REST: variants seen among roughly 807,000 people sequenced by gnomAD.
REST encodes the protein RE1-silencing transcription factor.
Under a neutral mutation model 30.4 loss-of-function variants are expected in REST, and 1 was observed. The observed-to-expected ratio is 0.03, with a 90% CI of 0.01 to 0.16. The LOEUF (loss-of-function observed/expected upper bound fraction) is 0.16, where lower values mean the gene tolerates loss of function less well. REST is among the 10% of genes least tolerant of loss of function. REST has a pLI of 1.00. For synonymous variants in REST, 504 were observed against 451.1 expected, an observed-to-expected ratio of 1.12 and a Z score of -1.49; for missense variants, 1,259 against 1,329.5, an observed-to-expected ratio of 0.95 and a Z score of 0.82.
intron 2 of REST, among the ~76,000 whole-genome samples, chr4:56,916,145 C>T (rs1461902022): frequency 6.6e-6 from 1 of 151,570 alleles, no homozygotes; most frequent in African/African-American, 2.4e-5. Flanking sequence ...AATCTCGACT[C>T]ACTGCAACCT....
Position 56,930,529 on chromosome 4 carries a change from A to G in REST, c.1671A>G (p.Glu557=), listed in dbSNP as rs1224004602. ...VESKSKNNSQ[E]VPKGDSKVEE... ...GCAAATCCAAAAATAATAGTCAGGA[A>G]GTGCCAAAGGGTGACAGCAAAGTGG... The change falls in exon 4 of 4, where the codon GAA becomes GAG. Residue 557 remains glutamate, a synonymous_variant. Transcript: ENST00000309042. 3 of 1,611,012 alleles carry G rather than the reference A, an allele frequency of 1.9e-6. No homozygotes were observed.
intron 2 of REST, among the ~76,000 whole-genome samples, chr4:56,914,375 A>G (rs1033737369): frequency 1.3e-5 from 2 of 152,204 alleles, no homozygotes; most frequent in Non-Finnish European, 2.9e-5. Context: ...GCCCCAGCAG[A>G]TGGATGGCTC....
rs374809419 is a variant in REST, at chr4:56,930,514, A to C, written c.1656A>C (p.Lys552Asn). 4.3e-6 allele frequency: 7 copies of C among 1,610,872 alleles called. No individual in the cohort carries two copies. In the African/African-American group the frequency reaches 9.4e-5, roughly 22 times the overall value. Residue 552 changes from lysine (K) to asparagine (N), a missense_variant, in exon 4 of 4, where the codon AAA becomes AAC. By Grantham distance (94) the Lys-to-Asn change is moderately conservative (BLOSUM62 0). Transcript: ENST00000309042. ...KKKKKVESKSKNNSQEVPKGD... is the reference protein window; with the variant it reads ...KKKKKVESKSNNNSQEVPKGD... The stretch of plus-strand genomic sequence containing the variant: ...AAAAGAAGGTAGAAAGCAAATCCAA[A>C]AATAATAGTCAGGAAGTGCCAAAGG...
chr4:56,931,199 T>G lies in REST; in HGVS notation c.2341T>G (p.Leu781Val). The change falls in exon 4 of 4, where the codon TTG (leucine) becomes GTG (valine). Residue 781 changes from leucine (L) to valine (V), a missense_variant. By Grantham distance (32) the Leu-to-Val change is conservative. Transcript: ENST00000309042. ...VVQKEPVQME[L>V]SPPMGVVQKE... is the part of the protein sequence containing the mutation. The stretch of plus-strand genomic sequence containing the variant: ...CCAGAAGGAGCCTGTTCAGATGGAG[T>G]TGTCTCCTCCCATGGGGGTGGTTCA... The G allele has an allele frequency of 6.2e-7, 1 of 1,610,280 alleles. No homozygotes were observed. Among genetic ancestry groups the G allele is most frequent in the Non-Finnish European group, 8.5e-7 (1 of 1,179,036 alleles).
chr4:56,908,501 C>G (rs1455387626), intron 1 of REST, among the ~76,000 whole-genome samples: 1 of 151,990 alleles, frequency 6.6e-6, no homozygotes, highest in African/African-American at 2.4e-5. Flanking sequence ...CCGCGCTGGC[C>G]CGGACGCTCC....
In REST at chr4:56,931,962, C is replaced by T; in HGVS notation, c.3104C>T (p.Ala1035Val). ...AGTGATGATTCTGGATTGCATGGGG[C>T]TCGGCCAGTTCCACAAGAATCTAGC... ...EGSDDSGLHG[A>V]RPVPQESSRK... The change falls in exon 4 of 4, where the codon GCT becomes GTT. Residue 1035 changes from alanine to valine, a missense_variant. Coordinates refer to ENST00000309042, the MANE Select transcript of REST (RefSeq NM_005612.5). The T allele has an allele frequency of 6.2e-7, 1 of 1,614,210 alleles. No homozygotes were observed.
Position 56,921,514 on chromosome 4 carries a change from A to G in REST, c.982+1644A>G, listed in dbSNP as rs954889654. ...AACCTCTGCCTCCGGGGTTCAAGCA[A>G]TTCTCATGCCTCAGCCTCCCCAGTA... On this transcript the variant is annotated intron_variant, in intron 3 of 3. Transcript: ENST00000309042. Among the ~76,000 whole-genome samples, 4 of 152,190 alleles carry G rather than the reference A, an allele frequency of 2.6e-5. No individual in the cohort carries two copies. The South Asian group carries it at 6.2e-4, about 24-fold the overall frequency.
intron 2 of REST, 30 bp from the exon 3 acceptor site, chr4:56,919,757 A>G (rs761327218): frequency 3.6e-6 from 5 of 1,379,394 alleles, no homozygotes; most frequent in Non-Finnish European, 5.1e-6. Flanking sequence ...CGTGACATTT[A>G]AACACTCTTA....
In REST at chr4:56,932,315, T is replaced by G. The variant is rs1721004994; in HGVS notation, c.*163T>G. ...GGACTTTTTATGTATACCTGTTGATTGTTGTGTAAATTTTAGTAAATCTAA... is the reference window on the plus strand; with the variant it reads ...GGACTTTTTATGTATACCTGTTGATGGTTGTGTAAATTTTAGTAAATCTAA... On this transcript the variant is annotated 3_prime_UTR_variant, in exon 4 of 4. Transcript: ENST00000309042. 4 of 708,994 alleles carry G rather than the reference T, an allele frequency of 5.6e-6. No homozygotes were observed. The highest frequency in any genetic ancestry group is 9.0e-6 in the Non-Finnish European group (4 of 445,324). The allele number at this position is 708,994 out of a possible 1,614,324, so 43.9% of individuals were successfully genotyped here. A position where few individuals can be genotyped will look rare whatever the true frequency, so the allele number is the denominator to read the frequency against.
chr4:56,933,127 A>G lies in REST; in HGVS notation c.*975A>G, dbSNP rs1157724702. 3 of 152,060 alleles carry G rather than the reference A, an allele frequency of 2.0e-5. No homozygotes were observed. The highest frequency in any genetic ancestry group is 4.4e-5 in the Non-Finnish European group (3 of 68,018). 9.4% of individuals were successfully genotyped at this position (152,060 alleles called of 1,614,324 possible). On this transcript the variant is annotated 3_prime_UTR_variant, in exon 4 of 4. Transcript: ENST00000309042. ...GAATGGATGTAGTAAATTCACAGCT[A>G]TCAGTTTTGATTTTGCAATAAATAA...
chr4:56,911,749 A>G (rs1023381100), intron 2 of REST, among the ~76,000 whole-genome samples: 3 of 152,228 alleles, frequency 2.0e-5, no homozygotes, highest in Admixed American at 6.5e-5. Context: ...GTGAAGTTAC[A>G]TGTAAAGCAC....
At chr4:56,916,167 G>A (rs1390179133) in intron 2 of REST, among the ~76,000 whole-genome samples, 1 of 152,126 alleles carries the variant, frequency 6.6e-6, no homozygotes, top group African/African-American at 2.4e-5. Flanking sequence ...CACCAAAAGG[G>A]TGGGGGGAGC....
chr4:56,925,896 G>T (rs1386141996), intron 3 of REST, among the ~76,000 whole-genome samples: 1 of 152,116 alleles, frequency 6.6e-6, no homozygotes, highest in Non-Finnish European at 1.5e-5. Flanking sequence ...CACCTTGATG[G>T]ATGCATGCTT....
At chr4:56,913,142 T>C (rs1053757230) in intron 2 of REST, among the ~76,000 whole-genome samples, 1 of 152,106 alleles carries the variant, frequency 6.6e-6, no homozygotes, top group African/African-American at 2.4e-5. Context: ...CTGTTCACTG[T>C]AGTTTTTTTA....
chr4:56,929,149 CCT>C (rs1387739401), intron 3 of REST, among the ~76,000 whole-genome samples: 3 of 151,366 alleles, frequency 2.0e-5, no homozygotes, highest in African/African-American at 7.3e-5. Context: ...CTCACTGCAA[CCT>C]CTGCCTCCTG....
At chr4:56,919,320 G>C (rs746022794) in intron 2 of REST, among the ~76,000 whole-genome samples, 1 of 151,936 alleles carries the variant, frequency 6.6e-6, no homozygotes, top group African/African-American at 2.4e-5. Flanking sequence ...TTCTCACTCA[G>C]AAGTATTGTT....
chr4:56,919,932 T>C, intron 3 of REST, 62 bp downstream of exon 3: 1 of 789,484 alleles, frequency 1.3e-6, no homozygotes. Flanking sequence ...AGGAAATTCT[T>C]TTAGACTTGT....
chr4:56,912,606 C>T (rs891356000), intron 2 of REST, among the ~76,000 whole-genome samples: 1 of 151,972 alleles, frequency 6.6e-6, no homozygotes, highest in Non-Finnish European at 1.5e-5. Context: ...CCTCTGTCTC[C>T]CAGGTTCAAG....
intron 3 of REST, among the ~76,000 whole-genome samples, chr4:56,923,506 C>T (rs553149818): frequency 1.3e-5 from 2 of 151,996 alleles, no homozygotes; most frequent in African/African-American, 2.4e-5. Context: ...TACAATGGTG[C>T]GATCTCGGCT....
Sources: allele counts gnomAD v4.1 joint callset (sites outside exome capture counted in the v4.1 genomes callset), GRCh38; gene constraint gnomAD v4.1.1; transcripts MANE v1.5; gene names NCBI Gene and HGNC (gene_info 2026-07-23, HGNC 2026-07-21).